RBFOX1: variants seen among roughly 807,000 people sequenced by gnomAD.
RBFOX1 encodes RNA binding fox-1 homolog 1, also known as RNA binding protein fox-1 homolog 1.
A neutral mutation model predicts 57.7 loss-of-function variants in RBFOX1; 8 were observed. That is an observed-to-expected ratio of 0.14 (90% confidence interval 0.08 to 0.25). The LOEUF (loss-of-function observed/expected upper bound fraction) is 0.25. Ranked by LOEUF, RBFOX1 falls within the 10% of genes least tolerant of loss-of-function variation. RBFOX1 has a pLI of 1.00. For missense variants in RBFOX1, 611 were observed against 548.5 expected, an observed-to-expected ratio of 1.11 and a Z score of -1.14; for synonymous variants, 326 against 222.4, an observed-to-expected ratio of 1.47 and a Z score of -4.15.
rs556570360 is a variant in RBFOX1 at position 6,449,286 on chromosome 16, C to G, written c.-64+132229C>G. ...CTCATTCCGAAAGAAATCATGCTTG[C>G]TCGTTTCTCATGTCTACCCTTACTG... On this transcript the variant is annotated intron_variant, in intron 2 of 15. Coordinates refer to ENST00000550418, the MANE Select transcript of RBFOX1 (RefSeq NM_018723.4). 5.9e-5 allele frequency among the ~76,000 whole-genome samples: 9 copies of G among 152,322 alleles called. No homozygotes were observed. The South Asian group carries it at 1.9e-3, about 32-fold the overall frequency.
At chr16:7,003,993 T>G (rs938883440) in intron 3 of RBFOX1, 4 of 151,786 alleles carry the variant, frequency 2.6e-5, no homozygotes, top group East Asian at 3.9e-4. Context: ...GAGGGGTTTT[T>G]TTTTTTTTTT....
chr16:6,053,214 C>A (rs184782074), intron 1 of RBFOX1, among the ~76,000 whole-genome samples: 13 of 152,292 alleles, frequency 8.5e-5, no homozygotes, highest in African/African-American at 3.1e-4. Flanking sequence ...CCTGATGTAA[C>A]TCCTGCCCCC....
chr16:6,118,755 TTCTC>T (rs910505226), intron 1 of RBFOX1, among the ~76,000 whole-genome samples: 4 of 148,226 alleles, frequency 2.7e-5, no homozygotes, highest in Admixed American at 2.7e-4. Context: ...CCTTCCTTCC[TTCTC>T]TCTTTCTCCC....
chr16:6,871,189 C>A lies in RBFOX1; in HGVS notation c.-15-180868C>A, dbSNP rs149524034. Among the ~76,000 whole-genome samples, 732 of 152,216 alleles carry A rather than the reference C, an allele frequency of 4.8e-3. 6 individuals are homozygous for A. Among genetic ancestry groups the A allele is most frequent in the African/African-American group, 0.017 (699 of 41,546 alleles). ...TTTAATTCCATGTTTCAGAAAATCA[C>A]CCCTGCTTTTTTTGGAGATGGAGTG... On this transcript the variant is annotated intron_variant, in intron 3 of 15. Transcript: ENST00000550418.
chr16:5,353,121 C>T (rs771352979), intron 1 of RBFOX1, among the ~76,000 whole-genome samples: 8 of 151,016 alleles, frequency 5.3e-5, no homozygotes, highest in Admixed American at 1.3e-4. Flanking sequence ...CGCCTGTAAT[C>T]CCAGCACTTT....
At chr16:7,565,789 T>C (rs1462083286) in intron 5 of RBFOX1, among the ~76,000 whole-genome samples, 1 of 152,110 alleles carries the variant, frequency 6.6e-6, no homozygotes, top group African/African-American at 2.4e-5. Flanking sequence ...TATTTATCAC[T>C]GTGAAGAGTT....
intron 3 of RBFOX1, among the ~76,000 whole-genome samples, chr16:5,768,957 G>A (rs550585484): frequency 6.6e-6 from 1 of 152,196 alleles, no homozygotes; most frequent in South Asian, 2.1e-4. Flanking sequence ...AGGAAATCCA[G>A]GCAGTGGGAT....
At chr16:6,425,658 A>T (rs756728904) in intron 2 of RBFOX1, among the ~76,000 whole-genome samples, 5 of 152,040 alleles carry the variant, frequency 3.3e-5, no homozygotes, top group Admixed American at 2.0e-4. Context: ...TGGACTTTGT[A>T]GGCATTTCTG....
chr16:6,045,509 G>GCATT (rs1185971384), intron 1 of RBFOX1, among the ~76,000 whole-genome samples: 1 of 152,162 alleles, frequency 6.6e-6, no homozygotes, highest in Non-Finnish European at 1.5e-5. Context: ...ATTCATTCAT[G>GCATT]CATTCATTCA....
intron 1 of RBFOX1, among the ~76,000 whole-genome samples, chr16:6,053,278 C>A (rs1360299330): frequency 6.6e-6 from 1 of 152,118 alleles, no homozygotes; most frequent in African/African-American, 2.4e-5. Context: ...TGTCTGGTAC[C>A]AAAGGGTGTC....
chr16:6,173,604 CTTTTTT>C (rs35528338), intron 1 of RBFOX1, among the ~76,000 whole-genome samples: 1 of 70,948 alleles, frequency 1.4e-5, no homozygotes, highest in African/African-American at 5.9e-5. Context: ...TGACCACTCC[CTTTTTT>C]TTTTTTTTTT....
chr16:6,430,494 G>A (rs117666095), intron 2 of RBFOX1, among the ~76,000 whole-genome samples: 426 of 152,312 alleles, frequency 2.8e-3, no homozygotes, highest in Admixed American at 5.9e-3. Flanking sequence ...GCAAACTCAA[G>A]TGGAGTTGAA....
intron 4 of RBFOX1, among the ~76,000 whole-genome samples, chr16:7,353,910 A>T (rs2097170432): frequency 6.6e-6 from 1 of 152,200 alleles, no homozygotes; most frequent in South Asian, 2.1e-4. Flanking sequence ...AACTATCACC[A>T]CTTTCATACA....
rs191378490 is a variant in RBFOX1, at chr16:6,181,556, A to G, written c.-126-135439A>G. On this transcript the variant is annotated intron_variant, in intron 1 of 15. Transcript: ENST00000550418. ...TATTTTTCACGTGAACTTGCATCCT[A>G]TTAGCCAGGAAAGGGCACAACGCAT... Among the ~76,000 whole-genome samples, 91 of 152,256 alleles carry G rather than the reference A, an allele frequency of 6.0e-4. No homozygotes were observed. The East Asian group carries it at 0.013, about 21-fold the overall frequency.
intron 3 of RBFOX1, among the ~76,000 whole-genome samples, chr16:6,987,218 T>A (rs2090484429): frequency 1.3e-5 from 2 of 152,160 alleles, no homozygotes; most frequent in African/African-American, 4.8e-5. Context: ...ATAACAAGAA[T>A]GAAAACTTTG....
At chr16:6,845,011 G>A (rs1567526182) in intron 3 of RBFOX1, among the ~76,000 whole-genome samples, 1 of 152,054 alleles carries the variant, frequency 6.6e-6, no homozygotes, top group Non-Finnish European at 1.5e-5. Context: ...TATGTCCTTT[G>A]CCCACTTTTT....
At chr16:6,707,242 C>T (rs776835729) in intron 3 of RBFOX1, among the ~76,000 whole-genome samples, 9 of 152,134 alleles carry the variant, frequency 5.9e-5, no homozygotes, top group Middle Eastern at 3.2e-3. Context: ...ATTTCCTAAA[C>T]GGTCCTCCTC....
At chr16:5,993,260 TTCTC>T (rs1443220312) in intron 4 of RBFOX1, among the ~76,000 whole-genome samples, 2 of 152,108 alleles carry the variant, frequency 1.3e-5, no homozygotes, top group Non-Finnish European at 2.9e-5. Flanking sequence ...ACCCATTAAT[TTCTC>T]TTTCTTTTTG....
chr16:5,748,802 G>T (rs28788276), intron 3 of RBFOX1, among the ~76,000 whole-genome samples: 1 of 152,174 alleles, frequency 6.6e-6, no homozygotes, highest in African/African-American at 2.4e-5. Context: ...ACAGCACACT[G>T]ATGGGTCTTG....
Sources: allele counts gnomAD v4.1 joint callset (sites outside exome capture counted in the v4.1 genomes callset), GRCh38; gene constraint gnomAD v4.1.1; transcripts MANE v1.5; gene names NCBI Gene and HGNC (gene_info 2026-07-23, HGNC 2026-07-21).